The following MCF2L variants were observed in gnomAD, a reference collection of about 807,000 sequenced individuals.
MCF2L encodes guanine nucleotide exchange factor DBS.
MCF2L carries 97 observed loss-of-function variants against 153.4 expected under a neutral mutation model. The ratio of observed to expected loss-of-function variants is 0.63; its 90% CI spans 0.54 to 0.75. The LOEUF (loss-of-function observed/expected upper bound fraction) is 0.75, where lower values mean the gene tolerates loss of function less well. MCF2L is among the 30% of genes least tolerant of loss of function. The probability of loss-of-function intolerance (pLI) is 0.00; values close to 1 mark genes in which losing one functional copy is unlikely to be tolerated. For missense variants in MCF2L, 1,347 were observed against 1,495.2 expected, an observed-to-expected ratio of 0.90 and a Z score of 1.64; for synonymous variants, 659 against 632.2, an observed-to-expected ratio of 1.04 and a Z score of -0.64.
intron 15 of MCF2L, among the ~76,000 whole-genome samples, chr13:113,079,207 ACC>A (rs1192912495): frequency 6.6e-6 from 1 of 152,150 alleles, no homozygotes; most frequent in Non-Finnish European, 1.5e-5. Flanking sequence ...GGATTCCTGG[ACC>A]CTCAAACTCA....
intron 4 of MCF2L, among the ~76,000 whole-genome samples, chr13:113,049,162 G>T (rs920958746): frequency 6.6e-6 from 1 of 152,238 alleles, no homozygotes; most frequent in Non-Finnish European, 1.5e-5. Flanking sequence ...TTTCATGAAG[G>T]AGAAGTGGGC....
chr13:112,984,463 T>G (rs2993286), intron 1 of MCF2L, among the ~76,000 whole-genome samples: 62,511 of 151,912 alleles, frequency 0.41, 13,374 homozygotes, highest in African/African-American at 0.53. Flanking sequence ...GTCTCAAACT[T>G]CTGACCTTAT....
rs186779111 is a variant in MCF2L at position 113,016,504 on chromosome 13, G to A, written c.163+1658G>A. On this transcript the variant is annotated intron_variant, in intron 2 of 29. Coordinates refer to ENST00000535094, the MANE Select transcript of MCF2L (RefSeq NM_001112732.3). ...GCCCAGAGACCCTGAGCAGAGACCCGCAAGCTGATAAGTGCCTGAGCGTCA... is the reference window on the plus strand; with the variant it reads ...GCCCAGAGACCCTGAGCAGAGACCCACAAGCTGATAAGTGCCTGAGCGTCA... 7.2e-5 allele frequency among the ~76,000 whole-genome samples: 11 copies of A among 152,252 alleles called. No individual in the cohort carries two copies. In the South Asian group the frequency reaches 1.2e-3, roughly 17 times the overall value.
intron 1 of MCF2L, chr13:113,001,941 C>T (rs570903463): frequency 6.9e-6 from 11 of 1,595,472 alleles, no homozygotes; most frequent in East Asian, 6.8e-5. Context: ...ACTGCTGTGC[C>T]GGGACCTCTG....
intron 2 of MCF2L, among the ~76,000 whole-genome samples, chr13:112,911,683 G>T (rs1017328935): frequency 7.2e-5 from 11 of 152,256 alleles, no homozygotes; most frequent in African/African-American, 2.7e-4. Context: ...CCCCGAGGCC[G>T]AGGGCGCGGC....
chr13:112,916,563 G>A (rs909818812), intron 2 of MCF2L, among the ~76,000 whole-genome samples: 1 of 152,126 alleles, frequency 6.6e-6, no homozygotes, highest in Non-Finnish European at 1.5e-5. Context: ...CGTGTCCTCT[G>A]ACTTCCTTGC....
intron 2 of MCF2L, among the ~76,000 whole-genome samples, chr13:112,910,834 G>T (rs150712109): frequency 6.6e-6 from 1 of 152,238 alleles, no homozygotes; most frequent in Non-Finnish European, 1.5e-5. Context: ...GGACTGTGCC[G>T]CTGGTGACCT....
chr13:113,018,190 G>A (rs185073657), intron 2 of MCF2L, among the ~76,000 whole-genome samples: 3 of 152,178 alleles, frequency 2.0e-5, no homozygotes, highest in Admixed American at 1.3e-4. Flanking sequence ...CCGGACTCCT[G>A]TACGTTGCCG....
At chr13:112,969,092 C>T (rs1002496773), upstream of MCF2L, 8 of 250,220 alleles carry the variant, frequency 3.2e-5, no homozygotes, top group African/African-American at 1.1e-4. The surrounding 1 kb of genome is among the most constrained non-coding windows in gnomAD (Gnocchi z 4.8). Flanking sequence ...CCCGGCGGTG[C>T]ACTCACAGGA....
At chr13:112,962,505 G>C (rs543989582) in intron 2 of MCF2L, among the ~76,000 whole-genome samples, 11 of 152,320 alleles carry the variant, frequency 7.2e-5, no homozygotes, top group African/African-American at 2.2e-4. Flanking sequence ...GACCCAGTTG[G>C]TGGCCACATC....
chr13:112,920,933 C>T (rs1009770684), intron 2 of MCF2L, among the ~76,000 whole-genome samples: 14 of 151,856 alleles, frequency 9.2e-5, no homozygotes, highest in Admixed American at 5.2e-4. Context: ...TTTAGGAGGC[C>T]GAGGCAGGCG....
At chr13:113,077,022 C>A in intron 12 of MCF2L, 30 bp from the exon 13 acceptor site, 1 of 1,590,310 alleles carries the variant, frequency 6.3e-7, no homozygotes, top group Non-Finnish European at 8.6e-7. Flanking sequence ...CCAACATGTG[C>A]AAGGCACCTT....
chr13:113,075,083 CA>C lies in MCF2L; in HGVS notation c.1205del (p.Lys402SerfsTer37). 1 of 1,613,844 alleles carries C rather than the reference CA, an allele frequency of 6.2e-7. No individual in the cohort carries two copies. The highest frequency in any genetic ancestry group is 8.5e-7 in the Non-Finnish European group (1 of 1,180,018). On this transcript the variant is annotated frameshift_variant, in exon 11 of 30. Coordinates refer to ENST00000535094, the MANE Select transcript of MCF2L (RefSeq NM_001112732.3). LOFTEE classifies it high-confidence loss of function. ...NKHYAVDSIR[P>X]KCQELRHLCD... ...CACTACGCGGTAGACTCCATCCGCCCAAAGTGCCAGGAGCTCCGGCACCTCT... is the reference window on the plus strand; with the variant it reads ...CACTACGCGGTAGACTCCATCCGCCCAAGTGCCAGGAGCTCCGGCACCTCT...
intron 1 of MCF2L, among the ~76,000 whole-genome samples, chr13:112,982,609 G>A (rs950612645): frequency 6.6e-6 from 1 of 152,188 alleles, no homozygotes; most frequent in Non-Finnish European, 1.5e-5. Context: ...GGAGGCGGGC[G>A]TCACAGCTGT....
At chr13:113,009,075 G>A (rs1017254696) in intron 1 of MCF2L, 2 of 152,298 alleles carry the variant, frequency 1.3e-5, no homozygotes, top group South Asian at 2.1e-4. Context: ...CTCCCTGCCC[G>A]AGGCGCAAAC....
intron 2 of MCF2L, among the ~76,000 whole-genome samples, chr13:112,948,664 C>T (rs1016173797): frequency 3.3e-5 from 5 of 152,302 alleles, no homozygotes; most frequent in Non-Finnish European, 7.3e-5. Flanking sequence ...TCAAATCAAT[C>T]TCAGCTTCTA....
rs537352589 is a variant in MCF2L, at chr13:112,980,845, G to A, written c.79+11387G>A. 1.3e-4 allele frequency among the ~76,000 whole-genome samples: 20 copies of A among 152,342 alleles called. No individual in the cohort carries two copies. The East Asian group carries it at 2.7e-3, about 21-fold the overall frequency. On this transcript the variant is annotated intron_variant, in intron 1 of 29. Transcript: ENST00000535094. ...TGAGGGAGGCAGCCAGGGGCTGTGC[G>A]TGAATCCCGCACACGCCAGGGTGTC... is the stretch of plus-strand genomic sequence containing the variant.
intron 1 of MCF2L, among the ~76,000 whole-genome samples, chr13:113,000,840 A>C (rs1039793079): frequency 1.3e-5 from 2 of 150,440 alleles, no homozygotes; most frequent in African/African-American, 4.9e-5. Context: ...CAGCAGGGAC[A>C]TAGCAGGCCG....
At chr13:112,913,261 GTGTC>G (rs1389346322) in intron 2 of MCF2L, among the ~76,000 whole-genome samples, 4 of 151,022 alleles carry the variant, frequency 2.6e-5, no homozygotes, top group South Asian at 2.1e-4. Flanking sequence ...GTGTATCTCT[GTGTC>G]TGTATGTATG....
Sources: gnomAD v4.1 joint callset for allele counts (sites outside exome capture counted in the v4.1 genomes callset) on GRCh38, gnomAD v4.1.1 for gene constraint, Gnocchi (gnomAD v3.1) non-coding constraint, MANE v1.5 for transcripts, NCBI Gene and HGNC (gene_info 2026-07-23, HGNC 2026-07-21) for gene names.